WDR47: variants seen among roughly 807,000 people sequenced by gnomAD.
WDR47 encodes WD repeat-containing protein 47.
Under a neutral mutation model 97.2 loss-of-function variants are expected in WDR47, and 32 were observed. The ratio of observed to expected loss-of-function variants is 0.33; its 90% CI spans 0.25 to 0.44. The LOEUF is 0.44. WDR47 is among the 20% of genes least tolerant of loss of function. WDR47 has a pLI of 1.00. For synonymous variants in WDR47, 375 were observed against 373.5 expected (o/e 1.00, Z -0.05); for missense variants, 782 against 1,102.3 (o/e 0.71, Z 4.11).
Position 108,981,797 on chromosome 1 carries a change from A to G in WDR47, c.2334T>C (p.Val778=), listed in dbSNP as rs1174714138. 6.2e-7 allele frequency: 1 copy of G among 1,614,034 alleles called. No individual in the cohort carries two copies. The highest frequency in any genetic ancestry group is 1.1e-5 in the South Asian group (1 of 91,082). ...TTGGTACTCGAAGATCCCAAAATCTAACAGTCTTATCTTGGGAACCAGATG... is the reference window on the plus strand; with the variant it reads ...TTGGTACTCGAAGATCCCAAAATCTGACAGTCTTATCTTGGGAACCAGATG... ...MIASGSQDKT[V]RFWDLRVPSC... is the part of the protein sequence containing the mutation. Residue 778 remains valine (V), a synonymous_variant, in exon 13 of 15, where the codon GTT becomes GTC. Transcript: ENST00000369962.
At chr1:108,999,877 A>T (rs1660049366) in intron 7 of WDR47, among the ~76,000 whole-genome samples, 1 of 152,172 alleles carries the variant, frequency 6.6e-6, no homozygotes, top group African/African-American at 2.4e-5. Context: ...CAGAAATTCA[A>T]ATTACATCCA....
rs1482260290 is a variant in WDR47 at position 109,011,028 on chromosome 1, GAGA to G, written c.1015_1017del (p.Ser339del). 1.2e-6 allele frequency: 2 copies of G among 1,614,120 alleles called. No individual in the cohort carries two copies. The highest frequency in any genetic ancestry group is 1.7e-6 in the Non-Finnish European group (2 of 1,180,036). ...AAGTTAGCAAAGGAGTGTGACATTGGAGAAGTTTTGTTTCCAAGGTCTGAAATT... is the reference window on the plus strand; with the variant it reads ...AAGTTAGCAAAGGAGTGTGACATTGGAGTTTTGTTTCCAAGGTCTGAAATT... On this transcript the variant is annotated inframe_deletion, in exon 5 of 15. Coordinates refer to ENST00000369962, the MANE Select transcript of WDR47 (RefSeq NM_001142551.2).
At position 109,011,670 on chromosome 1, in the gene WDR47, C is replaced by A; in HGVS notation, c.376G>T (p.Glu126Ter). 6.2e-7 allele frequency: 1 copy of A among 1,613,572 alleles called. No homozygotes were observed. Among genetic ancestry groups the A allele is most frequent in the Non-Finnish European group, 8.5e-7 (1 of 1,179,750 alleles). ...EAVQCLHALE[E>*]YCPSKDDYSK... ...TAGTCATCTTTAGAAGGACAGTATT[C>A]TTCTAGAGCATGTAAACATTGCACA... Residue 126 changes from glutamate (E) to a stop codon, truncating the protein, a stop_gained, in exon 5 of 15, where the codon GAA (glutamate) becomes TAA (stop). Transcript: ENST00000369962. LOFTEE classifies it high-confidence loss of function.
chr1:108,985,085 G>GTC (rs1395163055), intron 10 of WDR47, among the ~76,000 whole-genome samples: 1 of 152,056 alleles, frequency 6.6e-6, no homozygotes, highest in African/African-American at 2.4e-5. Flanking sequence ...CTCTCCCAGT[G>GTC]TCTCCTCTTA....
chr1:108,991,369 T>C, intron 8 of WDR47, 40 bp from the exon 9 acceptor site: 1 of 1,549,322 alleles, frequency 6.5e-7, no homozygotes, highest in African/African-American at 1.4e-5. Flanking sequence ...ACTCCATGTA[T>C]CAAAATAGAA....
intron 12 of WDR47, 42 bp downstream of exon 12, chr1:108,982,567 T>G: frequency 3.2e-6 from 5 of 1,548,760 alleles, no homozygotes; most frequent in Non-Finnish European, 4.3e-6. Context: ...AAGCACAGAT[T>G]GAACAAAAAG....
intron 13 of WDR47, among the ~76,000 whole-genome samples, chr1:108,976,305 G>T (rs1657885812): frequency 6.7e-6 from 1 of 150,264 alleles, no homozygotes; most frequent in Admixed American, 6.7e-5. Context: ...AAGCAAAAAT[G>T]AGTCCCAGAT....
chr1:109,004,543 T>G, intron 6 of WDR47, 49 bp downstream of exon 6: 1 of 1,551,648 alleles, frequency 6.4e-7, no homozygotes, highest in Non-Finnish European at 8.7e-7. Context: ...TTCTATTACT[T>G]CTTACAAAGA....
chr1:108,986,694 G>A lies in WDR47; in HGVS notation c.1768-14C>T. ...TGATTTGTCATCCTATGGAAAGAAT[G>A]AATATTAGTTATCCTATTAAAAAAA... On this transcript the variant is annotated splice_polypyrimidine_tract_variant and intron_variant, in intron 9 of 14. Coordinates refer to ENST00000369962, the MANE Select transcript of WDR47 (RefSeq NM_001142551.2). The A allele has an allele frequency of 2.8e-6, 4 of 1,406,562 alleles. No individual in the cohort carries two copies. The highest frequency in any genetic ancestry group is 3.7e-6 in the Non-Finnish European group (4 of 1,076,714). The allele number at this position is 1,406,562 out of a possible 1,614,324, so 87.1% of individuals were successfully genotyped here. A position where few individuals can be genotyped will look rare whatever the true frequency, so the allele number is the denominator to read the frequency against.
At chr1:108,990,821 A>G (rs972049618) in intron 9 of WDR47, among the ~76,000 whole-genome samples, 1 of 152,130 alleles carries the variant, frequency 6.6e-6, no homozygotes, top group South Asian at 2.1e-4. Context: ...GGTTCAGAGA[A>G]TAACACAGAG....
chr1:109,003,282 T>G (rs568494882), intron 6 of WDR47, among the ~76,000 whole-genome samples: 1 of 152,268 alleles, frequency 6.6e-6, no homozygotes, highest in African/African-American at 2.4e-5. Flanking sequence ...AAACTATTTC[T>G]CCCTTCAGCT....
Position 108,988,819 on chromosome 1 carries a change from G to A in WDR47, c.1768-2139C>T, listed in dbSNP as rs151034856. On this transcript the variant is annotated intron_variant, in intron 9 of 14. Coordinates refer to ENST00000369962, the MANE Select transcript of WDR47 (RefSeq NM_001142551.2). ...ACTGCTCAGGCTGGAGTGCGGTGGC[G>A]CAATCTTGATTCACCGCAACCTCTG... is the stretch of plus-strand genomic sequence containing the variant. 2.2e-3 allele frequency among the ~76,000 whole-genome samples: 339 copies of A among 151,758 alleles called. 2 individuals are homozygous for A. The highest frequency in any genetic ancestry group is 7.4e-3 in the African/African-American group (304 of 41,336).
chr1:109,017,387 A>G, intron 3 of WDR47, 131 bp downstream of exon 3: 1 of 739,756 alleles, frequency 1.4e-6, no homozygotes, highest in Non-Finnish European at 2.3e-6. Flanking sequence ...TGGGTGACAG[A>G]GAGAGATCAA....
chr1:109,037,324 C>G lies in WDR47; in HGVS notation c.-10+4538G>C, dbSNP rs555395693. On this transcript the variant is annotated intron_variant, in intron 1 of 14. Transcript: ENST00000369962. ...AGCCTGGGCAACAAGAGCAAAACTC[C>G]GTCTAAAAAAAAAAAAACAAAAAAC... 7.3e-4 allele frequency among the ~76,000 whole-genome samples: 101 copies of G among 137,722 alleles called. 1 individual carries two copies. The highest frequency in any genetic ancestry group is 2.4e-3 in the African/African-American group (93 of 38,038). 90.4% of individuals were successfully genotyped at this position (137,722 alleles called of 152,430 possible).
chr1:108,977,634 C>A (rs1028510370), intron 13 of WDR47, among the ~76,000 whole-genome samples: 1 of 151,976 alleles, frequency 6.6e-6, no homozygotes, highest in Admixed American at 6.6e-5. Flanking sequence ...GGCAGATCAC[C>A]TGAGGTCAGA....
Position 109,002,406 on chromosome 1 carries a change from A to G in WDR47, c.1255-4T>C, listed in dbSNP as rs1289967151. On this transcript the variant is annotated splice_region_variant and splice_polypyrimidine_tract_variant and intron_variant, in intron 6 of 14. Transcript: ENST00000369962. ...ATTGTTCTGTTGAATCTCGAAGCTTAAAAACATTAGAAAAAAACATATATA... is the reference window on the plus strand; with the variant it reads ...ATTGTTCTGTTGAATCTCGAAGCTTGAAAACATTAGAAAAAAACATATATA... The G allele has an allele frequency of 6.3e-7, 1 of 1,585,408 alleles. No homozygotes were observed. The highest frequency in any genetic ancestry group is 1.2e-5 in the South Asian group (1 of 85,988).
chr1:108,980,125 C>T (rs1001417231), intron 13 of WDR47, among the ~76,000 whole-genome samples: 3 of 152,032 alleles, frequency 2.0e-5, no homozygotes, highest in East Asian at 3.9e-4. Flanking sequence ...CCCCTTCCCA[C>T]CCCACCCATG....
rs563662737 is a variant in WDR47 at position 109,014,881 on chromosome 1, C to T, written c.243-956G>A. ...AGTCTGGAAAGAAAAAAATAATGAA[C>T]CTTCAGTCATTCTTTCAGCCACTGT... On this transcript the variant is annotated intron_variant, in intron 3 of 14. Coordinates refer to ENST00000369962, the MANE Select transcript of WDR47 (RefSeq NM_001142551.2). Among the ~76,000 whole-genome samples the T allele has an allele frequency of 1.8e-4, 28 of 152,220 alleles. 1 individual carries two copies. In the South Asian group the frequency reaches 4.8e-3, roughly 26 times the overall value.
chr1:108,971,297 A>G lies in WDR47; in HGVS notation c.*133T>C. On this transcript the variant is annotated 3_prime_UTR_variant, in exon 15 of 15. Transcript: ENST00000369962. ...CCACCCAACACCTCCTATCAGTGGGATACATGGTAATAAGGGGCCTCTTCG... is the reference window on the plus strand; with the variant it reads ...CCACCCAACACCTCCTATCAGTGGGGTACATGGTAATAAGGGGCCTCTTCG... 1 of 1,224,382 alleles carries G rather than the reference A, an allele frequency of 8.2e-7. No homozygotes were observed. The highest frequency in any genetic ancestry group is 1.5e-5 in the South Asian group (1 of 67,898). 75.8% of individuals were successfully genotyped at this position (1,224,382 alleles called of 1,614,324 possible).
Sources: allele counts gnomAD v4.1 joint callset (sites outside exome capture counted in the v4.1 genomes callset), GRCh38; gene constraint gnomAD v4.1.1; transcripts MANE v1.5; gene names NCBI Gene and HGNC (gene_info 2026-07-23, HGNC 2026-07-21).